Variants in CDH8 observed in about 807,000 individuals in gnomAD.
CDH8 encodes cadherin-8.
CDH8 carries 17 observed loss-of-function variants against 68.1 expected under a neutral mutation model. The ratio of observed to expected loss-of-function variants is 0.25; its 90% CI spans 0.17 to 0.37. The LOEUF (loss-of-function observed/expected upper bound fraction) is 0.37. Ranked by LOEUF, CDH8 falls within the 10% of genes least tolerant of loss-of-function variation. CDH8 has a pLI of 1.00. For synonymous variants in CDH8, 372 were observed against 365.1 expected, an observed-to-expected ratio of 1.02 and a Z score of -0.21; for missense variants, 763 against 999.3, an observed-to-expected ratio of 0.76 and a Z score of 3.19.
At chr16:61,759,850 C>G (rs1219896860) in intron 8 of CDH8, among the ~76,000 whole-genome samples, 1 of 152,248 alleles carries the variant, frequency 6.6e-6, no homozygotes, top group African/African-American at 2.4e-5. Flanking sequence ...GATATGGGCT[C>G]TCTTACTGAA....
At chr16:61,677,307 T>C (rs974193450) in intron 10 of CDH8, among the ~76,000 whole-genome samples, 8 of 151,276 alleles carry the variant, frequency 5.3e-5, no homozygotes, top group East Asian at 2.0e-4. Flanking sequence ...GTGAGGAAGA[T>C]AAAATACTGC....
At chr16:61,993,588 T>C (rs1415768687) in intron 2 of CDH8, among the ~76,000 whole-genome samples, 1 of 152,286 alleles carries the variant, frequency 6.6e-6, no homozygotes, top group African/African-American at 2.4e-5. Flanking sequence ...AAATAAAATA[T>C]GTTCATGTCA....
At chr16:61,847,880 TACAC>T (rs79432523) in intron 4 of CDH8, among the ~76,000 whole-genome samples, 186 of 148,004 alleles carry the variant, frequency 1.3e-3, no homozygotes, top group African/African-American at 4.1e-3. Context: ...CCAACTATCC[TACAC>T]ACACACACAC....
At chr16:61,810,852 A>G (rs1304885379) in intron 7 of CDH8, among the ~76,000 whole-genome samples, 1 of 151,952 alleles carries the variant, frequency 6.6e-6, no homozygotes, top group Non-Finnish European at 1.5e-5. Flanking sequence ...GTGAAACCTC[A>G]TCTCTGTTAA....
At chr16:61,781,336 G>C (rs1490854380) in intron 8 of CDH8, among the ~76,000 whole-genome samples, 2 of 152,140 alleles carry the variant, frequency 1.3e-5, no homozygotes, top group Non-Finnish European at 2.9e-5. Context: ...CATGGGCCTT[G>C]GTTGTGGATC....
chr16:61,841,989 G>A (rs1224216834), intron 4 of CDH8, among the ~76,000 whole-genome samples: 4 of 151,748 alleles, frequency 2.6e-5, no homozygotes, highest in South Asian at 2.1e-4. Flanking sequence ...CCAGGTTCAC[G>A]CCATTCTCCT....
intron 4 of CDH8, among the ~76,000 whole-genome samples, chr16:61,826,538 A>G (rs894559854): frequency 6.6e-6 from 1 of 151,904 alleles, no homozygotes; most frequent in African/African-American, 2.4e-5. Context: ...TGTCCAGATT[A>G]AAGACAATTT....
intron 8 of CDH8, among the ~76,000 whole-genome samples, chr16:61,750,538 A>C (rs899831988): frequency 2.0e-5 from 3 of 152,152 alleles, no homozygotes; most frequent in African/African-American, 7.2e-5. Flanking sequence ...TGGTTCTTAC[A>C]TTGAAATTAC....
intron 7 of CDH8, among the ~76,000 whole-genome samples, chr16:61,798,701 T>C (rs1008709232): frequency 6.6e-6 from 1 of 152,080 alleles, no homozygotes. Flanking sequence ...TGTTTGAGCT[T>C]AGGAAGTAAA....
chr16:61,787,690 C>G (rs1961261133), intron 8 of CDH8, among the ~76,000 whole-genome samples: 7 of 147,246 alleles, frequency 4.8e-5, no homozygotes, highest in Admixed American at 4.7e-4. Context: ...TGGAACCAAC[C>G]CAAATGTCCA....
chr16:61,670,861 G>C (rs1963777445), intron 10 of CDH8, among the ~76,000 whole-genome samples: 3 of 152,012 alleles, frequency 2.0e-5, no homozygotes, highest in African/African-American at 7.2e-5. Flanking sequence ...CAGCGAGATG[G>C]AGCAAGGCTG....
chr16:61,929,927 A>G (rs1333402752), intron 2 of CDH8, among the ~76,000 whole-genome samples: 2 of 152,102 alleles, frequency 1.3e-5, no homozygotes, highest in African/African-American at 4.8e-5. Flanking sequence ...ATATATTCAA[A>G]ACACATGTCA....
intron 4 of CDH8, among the ~76,000 whole-genome samples, chr16:61,851,039 A>C (rs930909435): frequency 1.3e-5 from 2 of 151,992 alleles, no homozygotes; most frequent in African/African-American, 4.8e-5. Context: ...ACCCCTTCTG[A>C]AATGTCTTCA....
rs368851445 is a variant in CDH8 at position 61,665,267 on chromosome 16, C to G, written c.1655-9546G>C. Among the ~76,000 whole-genome samples the G allele has an allele frequency of 4.6e-5, 7 of 152,004 alleles. No homozygotes were observed. The East Asian group carries it at 5.8e-4, about 13-fold the overall frequency. On this transcript the variant is annotated intron_variant, in intron 10 of 11. Transcript: ENST00000577390. ...CTCAGAATGAAAACTACCTTGCATA[C>G]CCCACACTTACAGTCCATGAAAAAT...
chr16:61,776,367 T>C (rs975823188), intron 8 of CDH8, among the ~76,000 whole-genome samples: 3 of 152,130 alleles, frequency 2.0e-5, no homozygotes, highest in Non-Finnish European at 4.4e-5. Context: ...TAATAACCTC[T>C]ACTATAACTC....
At chr16:62,009,280 G>A (rs939533027) in intron 2 of CDH8, among the ~76,000 whole-genome samples, 2 of 152,168 alleles carry the variant, frequency 1.3e-5, no homozygotes. Flanking sequence ...TCAGGAGAAA[G>A]TCACCAAGTT....
chr16:61,831,107 T>G (rs994034310), intron 4 of CDH8, among the ~76,000 whole-genome samples: 4 of 151,806 alleles, frequency 2.6e-5, no homozygotes, highest in Admixed American at 6.6e-5. Context: ...TCCTGGAGTC[T>G]CAGTAGCTTA....
At chr16:61,897,901 G>A (rs113527504) in intron 3 of CDH8, among the ~76,000 whole-genome samples, 3 of 152,260 alleles carry the variant, frequency 2.0e-5, no homozygotes, top group Non-Finnish European at 2.9e-5. Context: ...TTGCTTGCTT[G>A]TGTGTTTTTT....
At chr16:61,777,333 C>G (rs1026403690) in intron 8 of CDH8, among the ~76,000 whole-genome samples, 3 of 152,128 alleles carry the variant, frequency 2.0e-5, no homozygotes, top group African/African-American at 7.2e-5. Context: ...CAGCAACTCG[C>G]ACCTGAAAAG....
Sources: allele counts gnomAD v4.1 joint callset (sites outside exome capture counted in the v4.1 genomes callset), GRCh38; gene constraint gnomAD v4.1.1; transcripts MANE v1.5; gene names NCBI Gene and HGNC (gene_info 2026-07-23, HGNC 2026-07-21).